Variants in WDR70 observed in about 807,000 individuals in gnomAD.
The protein encoded by WDR70 is WD repeat domain 70.
In WDR70, 53 loss-of-function variants were observed where a neutral mutation model predicts 88.6. The ratio of observed to expected loss-of-function variants is 0.60; its 90% CI spans 0.48 to 0.75. The LOEUF is 0.75. Ranked by LOEUF, WDR70 falls within the 30% of genes least tolerant of loss-of-function variation. The probability of loss-of-function intolerance (pLI) is 0.00; values close to 1 mark genes in which losing one functional copy is unlikely to be tolerated. For synonymous variants in WDR70, 280 were observed against 270.0 expected, an observed-to-expected ratio of 1.04 and a Z score of -0.36; for missense variants, 610 against 823.2, an observed-to-expected ratio of 0.74 and a Z score of 3.17.
chr5:37,461,209 T>A (rs1738993782), intron 7 of WDR70, among the ~76,000 whole-genome samples: 1 of 152,040 alleles, frequency 6.6e-6, no homozygotes, highest in Admixed American at 6.5e-5. Flanking sequence ...TTCAAATATT[T>A]ATCTGGTCCT....
intron 9 of WDR70, among the ~76,000 whole-genome samples, chr5:37,527,670 G>T (rs1741332415): frequency 6.6e-6 from 1 of 152,130 alleles, no homozygotes; most frequent in African/African-American, 2.4e-5. Context: ...CACAGCAAAA[G>T]AAACTACCAT....
At chr5:37,389,692 G>A (rs1377876895) in intron 3 of WDR70, among the ~76,000 whole-genome samples, 7 of 152,062 alleles carry the variant, frequency 4.6e-5, no homozygotes, top group African/African-American at 9.7e-5. Flanking sequence ...GATTACAGGC[G>A]TGAGCCACCG....
rs143620393 is a variant in WDR70, at chr5:37,516,070, T to A, written c.841-444T>A. 1.5e-3 allele frequency among the ~76,000 whole-genome samples: 222 copies of A among 152,346 alleles called. 3 individuals are homozygous for A. The highest frequency in any genetic ancestry group is 5.1e-3 in the African/African-American group (214 of 41,586). On this transcript the variant is annotated intron_variant, in intron 8 of 17. Coordinates refer to ENST00000265107, the MANE Select transcript of WDR70 (RefSeq NM_018034.4). ...AGGTTGTTGACACATTTTTAGGAAA[T>A]ATGGATTTCCCTTCCAATCTCTTGC... is the stretch of plus-strand genomic sequence containing the variant.
chr5:37,427,648 G>C (rs1750173094), intron 5 of WDR70, among the ~76,000 whole-genome samples: 1 of 152,118 alleles, frequency 6.6e-6, no homozygotes, highest in African/African-American at 2.4e-5. Context: ...GGGCGAGGTG[G>C]GTGGATCGCT....
At chr5:37,704,327 A>G (rs1477269900) in intron 13 of WDR70, among the ~76,000 whole-genome samples, 1 of 152,236 alleles carries the variant, frequency 6.6e-6, no homozygotes, top group Non-Finnish European at 1.5e-5. Context: ...GTGTTCTACT[A>G]TGCCTCTAAA....
intron 9 of WDR70, among the ~76,000 whole-genome samples, chr5:37,585,503 T>C (rs1743341142): frequency 6.6e-6 from 1 of 152,094 alleles, no homozygotes; most frequent in Non-Finnish European, 1.5e-5. Flanking sequence ...TTGAGAAGAG[T>C]AGGGTTCTAT....
intron 5 of WDR70, among the ~76,000 whole-genome samples, chr5:37,418,493 C>A (rs1749831367): frequency 6.6e-6 from 1 of 151,680 alleles, no homozygotes; most frequent in South Asian, 2.1e-4. Context: ...CTAATTTTTT[C>A]TATTTTTTAG....
At chr5:37,559,124 G>A (rs532164428) in intron 9 of WDR70, among the ~76,000 whole-genome samples, 73 of 151,970 alleles carry the variant, frequency 4.8e-4, no homozygotes, top group African/African-American at 1.8e-3. Context: ...AATAGAGACA[G>A]GGTTTCATTG....
chr5:37,462,593 C>A (rs1226268249), intron 7 of WDR70, among the ~76,000 whole-genome samples: 1 of 152,208 alleles, frequency 6.6e-6, no homozygotes, highest in Non-Finnish European at 1.5e-5. Context: ...TGAGCCACCG[C>A]ACCCGGCCCA....
chr5:37,533,821 A>G (rs1269217496), intron 9 of WDR70, among the ~76,000 whole-genome samples: 1 of 152,120 alleles, frequency 6.6e-6, no homozygotes, highest in Non-Finnish European at 1.5e-5. Flanking sequence ...CTCCACTCCC[A>G]TGCAGTCCCC....
chr5:37,422,197 A>G (rs1423679076), intron 5 of WDR70, among the ~76,000 whole-genome samples: 1 of 151,894 alleles, frequency 6.6e-6, no homozygotes, highest in Non-Finnish European at 1.5e-5. Flanking sequence ...AAATACAAGT[A>G]TTTGCTTTCT....
intron 10 of WDR70, among the ~76,000 whole-genome samples, chr5:37,610,376 A>C (rs1744157728): frequency 6.6e-6 from 1 of 151,242 alleles, no homozygotes; most frequent in Non-Finnish European, 1.5e-5. Flanking sequence ...GCTTTTTTTC[A>C]AAATGTCTTT....
chr5:37,396,639 A>G (rs1749023046), intron 5 of WDR70, 69 bp downstream of exon 5: 4 of 1,461,158 alleles, frequency 2.7e-6, no homozygotes, highest in African/African-American at 1.4e-5. Flanking sequence ...CAGTTCTGCT[A>G]AACTGTTTTT....
chr5:37,605,447 A>G (rs1057486415), intron 10 of WDR70, among the ~76,000 whole-genome samples: 11 of 152,166 alleles, frequency 7.2e-5, no homozygotes, highest in African/African-American at 2.2e-4. Context: ...TTTTCAGTAC[A>G]TATTATATTT....
At chr5:37,464,523 A>C (rs1739100777) in intron 7 of WDR70, among the ~76,000 whole-genome samples, 1 of 152,204 alleles carries the variant, frequency 6.6e-6, no homozygotes, top group South Asian at 2.1e-4. Flanking sequence ...AGTAAAAAGT[A>C]AAGAGAACTC....
intron 2 of WDR70, among the ~76,000 whole-genome samples, chr5:37,381,134 T>C (rs1043042254): frequency 6.6e-6 from 1 of 152,192 alleles, no homozygotes; most frequent in African/African-American, 2.4e-5. Flanking sequence ...TTAAAGTACC[T>C]GCATTACTTC....
At chr5:37,604,950 T>A in intron 9 of WDR70, 114 bp from the exon 10 acceptor site, 1 of 850,672 alleles carries the variant, frequency 1.2e-6, no homozygotes, top group Non-Finnish European at 1.7e-6. Context: ...AAAATAATTA[T>A]TAGATTTATG....
chr5:37,494,741 C>T (rs963536958), intron 8 of WDR70, among the ~76,000 whole-genome samples: 13 of 152,166 alleles, frequency 8.5e-5, no homozygotes, highest in Admixed American at 5.2e-4. Context: ...CCATAGTTGG[C>T]ACTGCTGAAA....
chr5:37,561,889 A>G (rs1742517080), intron 9 of WDR70, among the ~76,000 whole-genome samples: 1 of 152,198 alleles, frequency 6.6e-6, no homozygotes, highest in Non-Finnish European at 1.5e-5. Context: ...AAAGGAAGAA[A>G]GAACTTGTGG....
Sources: allele counts gnomAD v4.1 joint callset (sites outside exome capture counted in the v4.1 genomes callset), GRCh38; gene constraint gnomAD v4.1.1; transcripts MANE v1.5; gene names NCBI Gene and HGNC (gene_info 2026-07-23, HGNC 2026-07-21).